Variants in CREBBP observed in about 807,000 individuals in gnomAD.
The protein encoded by CREBBP is CREB-binding protein.
Under a neutral mutation model 265.0 loss-of-function variants are expected in CREBBP, and 19 were observed. The ratio of observed to expected loss-of-function variants is 0.07; its 90% CI spans 0.05 to 0.11. The LOEUF is 0.11. Ranked by LOEUF, CREBBP falls within the 10% of genes least tolerant of loss-of-function variation. CREBBP has a pLI of 1.00. For missense variants in CREBBP, 2,525 were observed against 3,219.0 expected, an observed-to-expected ratio of 0.78 and a Z score of 5.22; for synonymous variants, 1,457 against 1,223.7, an observed-to-expected ratio of 1.19 and a Z score of -3.98.
intron 2 of CREBBP, among the ~76,000 whole-genome samples, chr16:3,820,077 GCTAAATAATTGAATAGCCAGAAA>G (rs1163682109): frequency 6.6e-6 from 1 of 152,188 alleles, no homozygotes; most frequent in Non-Finnish European, 1.5e-5. Context: ...GCAAAAGTTT[GCTAAATAATTGAATAGCCAGAAA>G]TATTTATCAT....
Position 3,769,238 on chromosome 16 carries a change from G to A in CREBBP, c.2996C>T (p.Thr999Met), listed in dbSNP as rs772991403. ...GPDVPVLEMK[T>M]ETQAEDTEPD... ...CTCAGTGTCCTCTGCTTGGGTCTCCGTCTTCATTTCCAGCACAGGTACGTC... is the reference window on the plus strand; with the variant it reads ...CTCAGTGTCCTCTGCTTGGGTCTCCATCTTCATTTCCAGCACAGGTACGTC... Residue 999 changes from threonine to methionine, a missense_variant, in exon 15 of 31, where the codon ACG (threonine) becomes ATG (methionine). Around this residue, in one of 19 missense-constraint regions of CREBBP, gnomAD observed 548 missense variants for 533.0 expected, o/e 1.03. Coordinates refer to ENST00000262367, the MANE Select transcript of CREBBP (RefSeq NM_004380.3). 30 of 1,614,034 alleles carry A rather than the reference G, an allele frequency of 1.9e-5. No individual in the cohort carries two copies. The highest frequency in any genetic ancestry group is 1.0e-4 in the Admixed American group (6 of 59,998).
chr16:3,747,122 AT>A (rs1020332802), intron 21 of CREBBP, among the ~76,000 whole-genome samples: 7 of 150,738 alleles, frequency 4.6e-5, no homozygotes, highest in Non-Finnish European at 1.0e-4. Context: ...TCTTGCTTTA[AT>A]TGGTGTTTCA....
intron 1 of CREBBP, among the ~76,000 whole-genome samples, chr16:3,877,879 G>A (rs929337853): frequency 6.6e-6 from 1 of 152,170 alleles, no homozygotes; most frequent in African/African-American, 2.4e-5. Flanking sequence ...TTGGTCCCAC[G>A]AAAGAGCCCC....
chr16:3,850,443 T>C lies in CREBBP; in HGVS notation c.652A>G (p.Arg218Gly), dbSNP rs966483710. ...VMNGSLGAAG[R>G]GRGAGMPYPT... ...TACGGCATTCCAGCTCCCCTTCCTC[T>C]GCCAGCAGCCCCAAGAGATCCATTC... The change falls in exon 2 of 31, where the codon AGA becomes GGA. Residue 218 changes from arginine to glycine, a missense_variant. Coordinates refer to ENST00000262367, the MANE Select transcript of CREBBP (RefSeq NM_004380.3). The C allele has an allele frequency of 1.2e-6, 2 of 1,614,138 alleles. No individual in the cohort carries two copies. Among genetic ancestry groups the C allele is most frequent in the Non-Finnish European group, 1.7e-6 (2 of 1,180,054 alleles).
chr16:3,849,559 C>G (rs1360386523), intron 2 of CREBBP, among the ~76,000 whole-genome samples: 13 of 109,738 alleles, frequency 1.2e-4, no homozygotes, highest in African/African-American at 4.2e-4. Flanking sequence ...TTCCAAGAGA[C>G]AGGGTTTCGC....
intron 26 of CREBBP, 54 bp from the exon 27 acceptor site, chr16:3,736,869 C>G (rs2151330507): frequency 6.2e-7 from 1 of 1,606,860 alleles, no homozygotes; most frequent in Non-Finnish European, 8.5e-7. Flanking sequence ...ATCGGCCCTG[C>G]CTTTAAGGAG....
At chr16:3,865,511 TG>T (rs2055159119) in intron 1 of CREBBP, among the ~76,000 whole-genome samples, 1 of 152,162 alleles carries the variant, frequency 6.6e-6, no homozygotes, top group Non-Finnish European at 1.5e-5. Flanking sequence ...AGATAAACCC[TG>T]GAAGACAGCA....
At chr16:3,867,399 G>T (rs982186100) in intron 1 of CREBBP, among the ~76,000 whole-genome samples, 8 of 152,096 alleles carry the variant, frequency 5.3e-5, no homozygotes, top group Middle Eastern at 6.3e-3. Flanking sequence ...GGCTGAAGTG[G>T]GAGGATGGCT....
Position 3,729,202 on chromosome 16 carries a change from C to T in CREBBP, c.5845G>A (p.Ala1949Thr), listed in dbSNP as rs1380660032. The change falls in exon 31 of 31, where the codon GCC becomes ACC. Residue 1949 changes from alanine to threonine, a missense_variant. By Grantham distance (58) the Ala-to-Thr change is moderately conservative (BLOSUM62 0). This residue lies in a region of CREBBP where 275 missense variants were observed against 276.5 expected (regional missense o/e 0.99). Transcript: ENST00000262367. ...TSQVPAPPPP[A>T]QPPPAAVEAA... ...TCCACCGCTGCAGGAGGGGGCTGGG[C>T]CGGGGGTGGGGGGGCCGGCACCTGG... The T allele has an allele frequency of 5.3e-6, 8 of 1,515,060 alleles. No individual in the cohort carries two copies. The highest frequency in any genetic ancestry group is 4.9e-5 in the East Asian group (2 of 40,508). The allele number at this position is 1,515,060 out of a possible 1,614,324, so 93.9% of individuals were successfully genotyped here. A position where few individuals can be genotyped will look rare whatever the true frequency, so the allele number is the denominator to read the frequency against.
At chr16:3,759,261 A>G (rs1346559463) in intron 16 of CREBBP, among the ~76,000 whole-genome samples, 1 of 152,198 alleles carries the variant, frequency 6.6e-6, no homozygotes, top group Non-Finnish European at 1.5e-5. Flanking sequence ...GCTAACTCCC[A>G]AATCTGTCTC....
chr16:3,771,740 G>A (rs189121080), intron 13 of CREBBP, among the ~76,000 whole-genome samples: 159 of 151,906 alleles, frequency 1.0e-3, no homozygotes, highest in African/African-American at 3.7e-3. Flanking sequence ...ACATCCCTGG[G>A]GGCACAGAGT....
At chr16:3,856,855 A>G (rs1597066082) in intron 1 of CREBBP, among the ~76,000 whole-genome samples, 1 of 152,326 alleles carries the variant, frequency 6.6e-6, no homozygotes, top group East Asian at 1.9e-4. Context: ...TATTTTGAAC[A>G]TCCCTAAGCA....
chr16:3,874,287 C>T (rs1254095804), intron 1 of CREBBP, among the ~76,000 whole-genome samples: 1 of 152,238 alleles, frequency 6.6e-6, no homozygotes, highest in African/African-American at 2.4e-5. Context: ...GCCTGCTGCT[C>T]ACCTGGGCTC....
At chr16:3,832,781 A>G (rs560017583) in intron 2 of CREBBP, among the ~76,000 whole-genome samples, 13 of 152,250 alleles carry the variant, frequency 8.5e-5, no homozygotes, top group Non-Finnish European at 1.5e-4. Flanking sequence ...CAATATTTTA[A>G]TAAATCTGAT....
At position 3,731,140 on chromosome 16, in the gene CREBBP, C is replaced by T. The variant is rs2051903194; in HGVS notation, c.5172+52G>A. 3 of 1,585,178 alleles carry T rather than the reference C, an allele frequency of 1.9e-6. No individual in the cohort carries two copies. Among genetic ancestry groups the T allele is most frequent in the Non-Finnish European group, 1.7e-6 (2 of 1,164,670 alleles). On this transcript the variant is annotated intron_variant, in intron 30 of 30. Transcript: ENST00000262367. This position sits in a 1 kb window ranked among gnomAD's most constrained non-coding sequence, Gnocchi z 7.7. Reference sequence around the variant, plus strand: ...GGCACCCATGCAAAGGGACAGGATGCTTCGTCAGACCCCAGGCCGGCTGTG... The same window carrying T: ...GGCACCCATGCAAAGGGACAGGATGTTTCGTCAGACCCCAGGCCGGCTGTG...
chr16:3,830,897 T>C (rs2054330199), intron 2 of CREBBP, among the ~76,000 whole-genome samples: 3 of 152,106 alleles, frequency 2.0e-5, no homozygotes, highest in African/African-American at 7.2e-5. Context: ...TTTTTGTATC[T>C]CAGCCCCCTC....
chr16:3,827,850 C>T (rs927395658), intron 2 of CREBBP, among the ~76,000 whole-genome samples: 2 of 152,062 alleles, frequency 1.3e-5, no homozygotes, highest in Non-Finnish European at 2.9e-5. Context: ...GCCACCACAC[C>T]CAGCTAATTT....
At chr16:3,871,189 TCTCTCTCA>T (rs1486250789) in intron 1 of CREBBP, among the ~76,000 whole-genome samples, 139 of 52,754 alleles carry the variant, frequency 2.6e-3, no homozygotes, top group South Asian at 0.012. Flanking sequence ...TCTCTCTCTC[TCTCTCTCA>T]CTCACACACA....
chr16:3,748,636 AG>A (rs1441317788), intron 21 of CREBBP, among the ~76,000 whole-genome samples: 1 of 152,242 alleles, frequency 6.6e-6, no homozygotes, highest in African/African-American at 2.4e-5. Flanking sequence ...GCTGAGTCAC[AG>A]CCCACACTTC....
Sources: gnomAD v4.1 joint callset for allele counts (sites outside exome capture counted in the v4.1 genomes callset) on GRCh38, gnomAD v4.1.1 for gene constraint, gnomAD v4.1.1 regional missense constraint, Gnocchi (gnomAD v3.1) non-coding constraint, MANE v1.5 for transcripts, NCBI Gene and HGNC (gene_info 2026-07-23, HGNC 2026-07-21) for gene names.